Variants in DDR1 observed in about 807,000 individuals in gnomAD.
The protein encoded by DDR1 is discoidin domain receptor tyrosine kinase 1.
Under a neutral mutation model 97.4 loss-of-function variants are expected in DDR1, and 64 were observed. The ratio of observed to expected loss-of-function variants is 0.66; its 90% confidence interval spans 0.54 to 0.81. The LOEUF (loss-of-function observed/expected upper bound fraction) is 0.81. DDR1 is among the 30% of genes least tolerant of loss of function. The pLI is 0.00. For synonymous variants in DDR1, 458 were observed against 503.7 expected (o/e 0.91, Z 1.21); for missense variants, 990 against 1,259.6 (o/e 0.79, Z 3.24).
Position 30,894,654 on chromosome 6 carries a change from G to C in DDR1, c.1496G>C (p.Cys499Ser). Residue 499 changes from cysteine to serine, a missense_variant, in exon 11 of 18, where the codon TGT (cysteine) becomes TCT (serine). Coordinates refer to ENST00000376568, the MANE Select transcript of DDR1 (RefSeq NM_001297654.2). This position sits in a 1 kb window ranked among gnomAD's most constrained non-coding sequence, Gnocchi z 5.7. ...GGGAATCCGCCCCACTCCGCTCCCT[G>C]TGTCCCCAATGGCTCTGGTAAGACC... ...PRGNPPHSAPCVPNGSALLLS... is the reference protein window; with the variant it reads ...PRGNPPHSAPSVPNGSALLLS... The C allele has an allele frequency of 6.2e-7, 1 of 1,605,248 alleles. No homozygotes were observed.
rs762476320 is a variant in DDR1 at position 30,895,536 on chromosome 6, C to T, written c.1624+22C>T. On this transcript the variant is annotated intron_variant, in intron 12 of 17. Transcript: ENST00000376568. ...CAGGGTAAGCCCCTCTGCCCCTGGGCTCCGCCAGGCTCCCCATACCTCTAC... is the reference window on the plus strand; with the variant it reads ...CAGGGTAAGCCCCTCTGCCCCTGGGTTCCGCCAGGCTCCCCATACCTCTAC... 5.5e-6 allele frequency: 8 copies of T among 1,455,624 alleles called. No individual in the cohort carries two copies. In the East Asian group the frequency reaches 1.4e-4, roughly 25 times the overall value. The allele number at this position is 1,455,624 out of a possible 1,614,324, so 90.2% of individuals were successfully genotyped here. A position where few individuals can be genotyped will look rare whatever the true frequency, so the allele number is the denominator to read the frequency against.
intron 12 of DDR1, among the ~76,000 whole-genome samples, chr6:30,896,096 G>T (rs1207728282): frequency 6.6e-6 from 1 of 151,632 alleles, no homozygotes; most frequent in Non-Finnish European, 1.5e-5. Flanking sequence ...CCTCCTCTCT[G>T]TGTGCCTCTG....
At position 30,889,799 on chromosome 6, in the gene DDR1, A is replaced by C. The variant is rs1787356153; in HGVS notation, c.417+369A>C. ...ACTTCCCAAGCTGAATTTGATTCCC[A>C]TTCCCAGCCTAAACCTGCTCCTCCC... On this transcript the variant is annotated intron_variant, in intron 4 of 17. Coordinates refer to ENST00000376568, the MANE Select transcript of DDR1 (RefSeq NM_001297654.2). This position sits in a 1 kb window ranked among gnomAD's most constrained non-coding sequence, Gnocchi z 4.9. Among the ~76,000 whole-genome samples, 1 of 152,092 alleles carries C rather than the reference A, an allele frequency of 6.6e-6. No individual in the cohort carries two copies. The highest frequency in any genetic ancestry group is 2.1e-4 in the South Asian group (1 of 4,808).
At chr6:30,892,575 T>C in intron 8 of DDR1, 33 bp downstream of exon 8, 1 of 1,528,584 alleles carries the variant, frequency 6.5e-7, no homozygotes, top group East Asian at 2.3e-5. Context: ...CTCCAGTCCC[T>C]GAAATTGACA....
rs1562366498 is a variant in DDR1, at chr6:30,886,105, TC to T, written c.-43+1397del. 1.3e-5 allele frequency among the ~76,000 whole-genome samples: 2 copies of T among 152,066 alleles called. No individual in the cohort carries two copies. Among genetic ancestry groups the T allele is most frequent in the Non-Finnish European group, 2.9e-5 (2 of 67,998 alleles). On this transcript the variant is annotated intron_variant, in intron 1 of 17. Transcript: ENST00000376568. This position sits in a 1 kb window ranked among gnomAD's most constrained non-coding sequence, Gnocchi z 4.6. Reference sequence around the variant, plus strand: ...CAGACGTCTCTGTGCTTCTCCGTGTTCCTCTGCTTGGCTCTGTGCCCCGTGT... The same window carrying T: ...CAGACGTCTCTGTGCTTCTCCGTGTTCTCTGCTTGGCTCTGTGCCCCGTGT...
rs1582028484 is a variant in DDR1 at position 30,889,134 on chromosome 6, G to T, written c.189-68G>T. 3.1e-6 allele frequency: 5 copies of T among 1,587,482 alleles called. No homozygotes were observed. Among genetic ancestry groups the T allele is most frequent in the East Asian group, 4.5e-5 (2 of 44,752 alleles). ...GCAGGCTGAGGGGGCAAATGAAGTG[G>T]GGTTTAAATACTGGAGATGGAGGCA... On this transcript the variant is annotated intron_variant, in intron 3 of 17. Coordinates refer to ENST00000376568, the MANE Select transcript of DDR1 (RefSeq NM_001297654.2). This position sits in a 1 kb window ranked among gnomAD's most constrained non-coding sequence, Gnocchi z 4.9.
At position 30,897,482 on chromosome 6, in the gene DDR1, A is replaced by G. The variant is rs1263960735; in HGVS notation, c.2101A>G (p.Thr701Ala). ...GCAGGACGACCCCCTCTGCATGATT[A>G]CTGACTACATGGAGAACGGCGACCT... ...CVQDDPLCMITDYMENGDLNQ... is the reference protein window; with the variant it reads ...CVQDDPLCMIADYMENGDLNQ... Residue 701 changes from threonine to alanine, a missense_variant, in exon 15 of 18, where the codon ACT (threonine) becomes GCT (alanine). Transcript: ENST00000376568. The surrounding 1 kb of genome is among the most constrained non-coding windows in gnomAD (Gnocchi z 5.2). 6.2e-7 allele frequency: 1 copy of G among 1,614,000 alleles called. No individual in the cohort carries two copies. The highest frequency in any genetic ancestry group is 8.5e-7 in the Non-Finnish European group (1 of 1,180,006).
In DDR1 at chr6:30,888,097, T is replaced by C. The variant is rs1040109991; in HGVS notation, c.-42-591T>C. ...TATATGTTACAGCCTTAAAAAAATATCTTGTCAGTCTGCTTGGTATTTCCC... is the reference window on the plus strand; with the variant it reads ...TATATGTTACAGCCTTAAAAAAATACCTTGTCAGTCTGCTTGGTATTTCCC... On this transcript the variant is annotated intron_variant, in intron 1 of 17. Transcript: ENST00000376568. The surrounding 1 kb of genome is among the most constrained non-coding windows in gnomAD (Gnocchi z 4.2). Among the ~76,000 whole-genome samples, 2 of 152,200 alleles carry C rather than the reference T, an allele frequency of 1.3e-5. No homozygotes were observed. The highest frequency in any genetic ancestry group is 3.8e-4 in the East Asian group (2 of 5,198).
In DDR1 at chr6:30,893,071, T is replaced by G. The variant is rs1226690227; in HGVS notation, c.1103T>G (p.Val368Gly). 3 of 1,612,300 alleles carry G rather than the reference T, an allele frequency of 1.9e-6. No individual in the cohort carries two copies. The highest frequency in any genetic ancestry group is 1.7e-6 in the Non-Finnish European group (2 of 1,179,582). The change falls in exon 9 of 18, where the codon GTG becomes GGG. Residue 368 changes from valine to glycine, a missense_variant. By Grantham distance (109) the Val-to-Gly change is moderately radical. Transcript: ENST00000376568. ...TCTTTTTGTTCCTTCTCCCCAGATG[T>G]GGTGAACAATTCCTCTCCGGCACTG... is the stretch of plus-strand genomic sequence containing the variant. ...LFSEISFISDVVNNSSPALGG... is the reference protein window; with the variant it reads ...LFSEISFISDGVNNSSPALGG...
Position 30,891,600 on chromosome 6 carries a change from T to C in DDR1, c.665+121T>C, listed in dbSNP as rs1279692741. On this transcript the variant is annotated intron_variant, in intron 6 of 17. Coordinates refer to ENST00000376568, the MANE Select transcript of DDR1 (RefSeq NM_001297654.2). The surrounding 1 kb of genome is among the most constrained non-coding windows in gnomAD (Gnocchi z 5.3). ...GGGGGCTGGTAAGTAGGGTGGGGAG[T>C]GAGATGGAAGAGCTGAGAAGAGGGA... 1 of 739,894 alleles carries C rather than the reference T, an allele frequency of 1.4e-6. No homozygotes were observed. Among genetic ancestry groups the C allele is most frequent in the African/African-American group, 1.9e-5 (1 of 52,718 alleles). The allele number at this position is 739,894 out of a possible 1,614,324, so 45.8% of individuals were successfully genotyped here.
upstream of DDR1, chr6:30,882,889 T>C (rs1267127108): frequency 6.6e-6 from 1 of 152,142 alleles, no homozygotes; most frequent in African/African-American, 2.4e-5. This position sits in a 1 kb window ranked among gnomAD's most constrained non-coding sequence, Gnocchi z 4.8. Context: ...CCAGGTGAGG[T>C]GACTTGGGAA....
rs769943537 is a variant in DDR1, at chr6:30,889,185, C to A, written c.189-17C>A. The A allele has an allele frequency of 6.2e-7, 1 of 1,611,732 alleles. No individual in the cohort carries two copies. Among genetic ancestry groups the A allele is most frequent in the South Asian group, 1.1e-5 (1 of 91,046 alleles). ...GACCTGGGGCCAGATGTTCTCTGTG[C>A]CCCTCTTCACCCTCAGGTTGGAGAG... On this transcript the variant is annotated splice_polypyrimidine_tract_variant and intron_variant, in intron 3 of 17. Transcript: ENST00000376568. The surrounding 1 kb of genome is among the most constrained non-coding windows in gnomAD (Gnocchi z 4.9).
intron 10 of DDR1, among the ~76,000 whole-genome samples, chr6:30,893,952 G>A (rs3132572): frequency 0.93 from 141,882 of 152,252 alleles, 66,247 homozygotes; most frequent in East Asian, 0.98. Context: ...TGGCAGTAAT[G>A]TACATTAAGG....
chr6:30,884,005 A>G, upstream of DDR1: 1 of 153,074 alleles, frequency 6.5e-6, no homozygotes, highest in Non-Finnish European at 1.5e-5. This position sits in a 1 kb window ranked among gnomAD's most constrained non-coding sequence, Gnocchi z 6.1. Flanking sequence ...GCCTGTGGGA[A>G]CCTGCTTCTT....
Position 30,890,596 on chromosome 6 carries a change from G to A in DDR1, c.418-377G>A, listed in dbSNP as rs1022800162. On this transcript the variant is annotated intron_variant, in intron 4 of 17. Transcript: ENST00000376568. The surrounding 1 kb of genome is among the most constrained non-coding windows in gnomAD (Gnocchi z 5.0). ...CAGAGCGGGCACTCAGCCAACTTCT[G>A]CTGAATGAACAGAGGGAATGGGCTG... 3.3e-5 allele frequency: 7 copies of A among 209,328 alleles called. No individual in the cohort carries two copies. Among genetic ancestry groups the A allele is most frequent in the Non-Finnish European group, 6.6e-5 (7 of 106,506 alleles). The allele number at this position is 209,328 out of a possible 1,614,324, so 13.0% of individuals were successfully genotyped here.
Position 30,898,142 on chromosome 6 carries a change from T to A in DDR1, c.2286T>A (p.Phe762Leu), listed in dbSNP as rs561305840. The change falls in exon 16 of 18, where the codon TTT becomes TTA. Residue 762 changes from phenylalanine (F) to leucine (L), a missense_variant. Physicochemically the swap from Phe to Leu is conservative, Grantham distance 22. Transcript: ENST00000376568. ...TGCGCTATCTGGCCACACTCAACTTTGTACATCGGGACCTGGCCACGCGGA... is the reference window on the plus strand; with the variant it reads ...TGCGCTATCTGGCCACACTCAACTTAGTACATCGGGACCTGGCCACGCGGA... The part of the protein sequence containing the change: ...SGMRYLATLN[F>L]VHRDLATRNC... The A allele has an allele frequency of 6.2e-7, 1 of 1,614,254 alleles. No individual in the cohort carries two copies. Among genetic ancestry groups the A allele is most frequent in the South Asian group, 1.1e-5 (1 of 91,088 alleles).
rs1490077888 is a variant in DDR1 at position 30,899,810 on chromosome 6, GCTT to G, written c.*519_*521del. The G allele has an allele frequency of 8.2e-6, 3 of 368,042 alleles. No homozygotes were observed. The highest frequency in any genetic ancestry group is 8.5e-5 in the Admixed American group (2 of 23,518). The allele number at this position is 368,042 out of a possible 1,614,324, so 22.8% of individuals were successfully genotyped here. ...GCTCCTGTACTTGTCCTCAGCTTGG[GCTT>G]CTTCCTCCTCCATCACCTGAAACAC... On this transcript the variant is annotated 3_prime_UTR_variant, in exon 18 of 18. Transcript: ENST00000376568.
In DDR1 at chr6:30,895,685, CT is replaced by C. The variant is rs550871633; in HGVS notation, c.1624+177del. Among the ~76,000 whole-genome samples the C allele has an allele frequency of 2.3e-3, 348 of 152,290 alleles. 3 individuals are homozygous for C. The highest frequency in any genetic ancestry group is 7.7e-3 in the African/African-American group (321 of 41,558). On this transcript the variant is annotated intron_variant, in intron 12 of 17. Coordinates refer to ENST00000376568, the MANE Select transcript of DDR1 (RefSeq NM_001297654.2). ...TAGCTCATCTCTGCTGCTGCTTGCT[CT>C]TTTTTAAGGTCCCCCCCTTGAGCTG...
At chr6:30,884,225 G>T, upstream of DDR1, 1 of 152,024 alleles carries the variant, frequency 6.6e-6, no homozygotes, top group South Asian at 1.8e-4. The surrounding 1 kb of genome is among the most constrained non-coding windows in gnomAD (Gnocchi z 6.1). Flanking sequence ...GCAGCGGCGC[G>T]GGCGGCTGGG....
Sources: allele counts gnomAD v4.1 joint callset (sites outside exome capture counted in the v4.1 genomes callset), GRCh38; gene constraint gnomAD v4.1.1; non-coding constraint Gnocchi (gnomAD v3.1); transcripts MANE v1.5; gene names NCBI Gene and HGNC (gene_info 2026-07-23, HGNC 2026-07-21).